Variants in CDK14 observed in about 807,000 individuals in gnomAD.
The protein encoded by CDK14 is cyclin-dependent kinase 14.
CDK14 carries 34 observed loss-of-function variants against 60.7 expected under a neutral mutation model. The ratio of observed to expected loss-of-function variants is 0.56; its 90% confidence interval spans 0.43 to 0.75. The LOEUF is 0.75. Among genes scored for constraint, CDK14 ranks in the 30% least tolerant of loss-of-function variants. The pLI is 0.00. For missense variants in CDK14, 482 were observed against 564.1 expected (o/e 0.85, Z 1.47); for synonymous variants, 197 against 203.7 (o/e 0.97, Z 0.28).
intron 14 of CDK14, among the ~76,000 whole-genome samples, chr7:91,144,875 C>T (rs1800578176): frequency 6.6e-6 from 1 of 152,126 alleles, no homozygotes. Flanking sequence ...TTTGTTGCTA[C>T]TATGAGACTT....
At chr7:90,913,415 A>G (rs1274823358) in intron 7 of CDK14, among the ~76,000 whole-genome samples, 2 of 152,232 alleles carry the variant, frequency 1.3e-5, no homozygotes, top group African/African-American at 2.4e-5. Flanking sequence ...TTCACCCTCT[A>G]AAAGTTCATA....
At chr7:90,725,950 TA>T (rs1243715791) in intron 2 of CDK14, among the ~76,000 whole-genome samples, 1 of 152,136 alleles carries the variant, frequency 6.6e-6, no homozygotes, top group Non-Finnish European at 1.5e-5. Context: ...TTTACAATGT[TA>T]TTTCTTTTTA....
chr7:91,178,185 A>C (rs1801845400), intron 14 of CDK14, among the ~76,000 whole-genome samples: 1 of 50,744 alleles, frequency 2.0e-5, no homozygotes, highest in African/African-American at 7.4e-5. Context: ...ATCTTTGACA[A>C]ACCTGAGAAA....
chr7:90,613,699 A>T (rs1031232231), intron 2 of CDK14, among the ~76,000 whole-genome samples: 9 of 152,234 alleles, frequency 5.9e-5, no homozygotes, highest in Admixed American at 4.6e-4. Context: ...AAATAAAAAA[A>T]AAATAAAAAA....
chr7:90,833,707 A>C (rs956463067), intron 5 of CDK14, among the ~76,000 whole-genome samples: 1 of 152,192 alleles, frequency 6.6e-6, no homozygotes, highest in Non-Finnish European at 1.5e-5. Context: ...TAGTGTATGA[A>C]TCATTAGTAT....
At chr7:90,911,822 CATTAATTA>C (rs565187789) in intron 7 of CDK14, among the ~76,000 whole-genome samples, 1 of 151,766 alleles carries the variant, frequency 6.6e-6, no homozygotes, top group Middle Eastern at 3.2e-3. Context: ...GATAAAATAC[CATTAATTA>C]ATTAATTAAT....
At chr7:90,694,189 T>G (rs780363144) in intron 2 of CDK14, among the ~76,000 whole-genome samples, 2 of 152,134 alleles carry the variant, frequency 1.3e-5, no homozygotes, top group African/African-American at 2.4e-5. Context: ...TGTGAAGCAG[T>G]CAAAGATGGA....
At chr7:90,737,556 T>C (rs1803172788) in intron 3 of CDK14, among the ~76,000 whole-genome samples, 1 of 152,172 alleles carries the variant, frequency 6.6e-6, no homozygotes, top group Non-Finnish European at 1.5e-5. Flanking sequence ...GACAGGTTGT[T>C]ACCATGTGTG....
At chr7:91,034,204 T>C (rs1338756181) in intron 10 of CDK14, among the ~76,000 whole-genome samples, 1 of 152,156 alleles carries the variant, frequency 6.6e-6, no homozygotes, top group African/African-American at 2.4e-5. Flanking sequence ...CTGCAGCCTC[T>C]GAGAGACTGT....
intron 2 of CDK14, among the ~76,000 whole-genome samples, chr7:90,682,076 G>A (rs1042403666): frequency 6.6e-6 from 1 of 152,034 alleles, no homozygotes; most frequent in Non-Finnish European, 1.5e-5. Context: ...ACCTGTATCT[G>A]CATTAATTAC....
chr7:90,787,301 A>T (rs889255904), intron 4 of CDK14, among the ~76,000 whole-genome samples: 9 of 150,856 alleles, frequency 6.0e-5, no homozygotes, highest in Non-Finnish European at 1.2e-4. Flanking sequence ...GGATGCAAAA[A>T]GGTTAATTAA....
At chr7:90,781,559 G>T (rs78986628) in intron 4 of CDK14, among the ~76,000 whole-genome samples, 57,695 of 140,256 alleles carry the variant, frequency 0.41, 12,738 homozygotes, top group East Asian at 0.8. Flanking sequence ...GGTCTAACAT[G>T]TAAGTCTTTA....
chr7:90,760,386 C>T (rs1016386108), intron 4 of CDK14, among the ~76,000 whole-genome samples: 8 of 152,114 alleles, frequency 5.3e-5, no homozygotes, highest in Non-Finnish European at 1.0e-4. Flanking sequence ...CAGTAATCCC[C>T]AGATGGAAAA....
rs200569432 is a variant in CDK14, at chr7:91,045,853, T to C, written c.1042-44T>C. On this transcript the variant is annotated intron_variant, in intron 10 of 14. Transcript: ENST00000380050. ...CTACACTTGAGAATTTTGAGTGCTT[T>C]GGAAATAATAAGGCTGTTTCCACAA... The C allele has an allele frequency of 1.9e-5, 24 of 1,282,282 alleles. No individual in the cohort carries two copies. The African/African-American group carries it at 3.4e-4, about 18-fold the overall frequency. The allele number at this position is 1,282,282 out of a possible 1,614,324, so 79.4% of individuals were successfully genotyped here.
intron 14 of CDK14, among the ~76,000 whole-genome samples, chr7:91,157,569 G>C (rs922478095): frequency 6.6e-5 from 10 of 152,196 alleles, no homozygotes; most frequent in Non-Finnish European, 1.3e-4. Flanking sequence ...TCCAGTTCCG[G>C]AGTTAACTGT....
intron 2 of CDK14, among the ~76,000 whole-genome samples, chr7:90,664,688 G>A (rs1463897113): frequency 6.7e-6 from 1 of 148,916 alleles, no homozygotes; most frequent in Non-Finnish European, 1.5e-5. Context: ...CTATCGCAAG[G>A]ACAAAAAACC....
rs560345858 is a variant in CDK14, at chr7:90,753,134, A to G, written c.464+5359A>G. ...TGAGGAAGATGGACACCGCCTTATCATCGAGGATGATGAAGCCAGCATCAT... is the reference window on the plus strand; with the variant it reads ...TGAGGAAGATGGACACCGCCTTATCGTCGAGGATGATGAAGCCAGCATCAT... On this transcript the variant is annotated intron_variant, in intron 4 of 14. Transcript: ENST00000380050. Among the ~76,000 whole-genome samples, 5 of 152,330 alleles carry G rather than the reference A, an allele frequency of 3.3e-5. No homozygotes were observed. In the South Asian group the frequency reaches 1.0e-3, roughly 32 times the overall value.
intron 9 of CDK14, among the ~76,000 whole-genome samples, chr7:90,960,340 C>A (rs1794564326): frequency 1.3e-5 from 2 of 152,112 alleles, no homozygotes; most frequent in South Asian, 4.1e-4. Context: ...AGAATGATAG[C>A]ATGCCAGTCT....
intron 12 of CDK14, among the ~76,000 whole-genome samples, chr7:91,086,025 G>A (rs1359528177): frequency 6.6e-6 from 1 of 152,116 alleles, no homozygotes; most frequent in East Asian, 1.9e-4. Flanking sequence ...AGAGTTAAGG[G>A]CCACATGTGG....
Sources: gnomAD v4.1 joint callset for allele counts (sites outside exome capture counted in the v4.1 genomes callset) on GRCh38, gnomAD v4.1.1 for gene constraint, MANE v1.5 for transcripts, NCBI Gene and HGNC (gene_info 2026-07-23, HGNC 2026-07-21) for gene names.